SRRM3: variants seen among roughly 807,000 people sequenced by gnomAD.
SRRM3 encodes the protein serine/arginine repetitive matrix 3.
Under a neutral mutation model 66.2 loss-of-function variants are expected in SRRM3, and 27 were observed. The observed-to-expected ratio is 0.41, with a 90% CI of 0.30 to 0.56. SRRM3 has a LOEUF of 0.56. Among genes scored for constraint, SRRM3 ranks in the 20% least tolerant of loss-of-function variants. The pLI is 0.32. For missense variants in SRRM3, 918 were observed against 991.9 expected (o/e 0.93, Z 1.00); for synonymous variants, 391 against 414.9 (o/e 0.94, Z 0.70).
At chr7:76,227,704 T>C (rs1800910902) in intron 1 of SRRM3, among the ~76,000 whole-genome samples, 1 of 152,188 alleles carries the variant, frequency 6.6e-6, no homozygotes, top group Non-Finnish European at 1.5e-5. Context: ...GATGGGGTCA[T>C]GTTCATCTCT....
chr7:76,257,046 G>A (rs890114593), intron 3 of SRRM3, among the ~76,000 whole-genome samples: 1 of 152,112 alleles, frequency 6.6e-6, no homozygotes, highest in East Asian at 1.9e-4. Context: ...TTTTATCAGC[G>A]AGGTCTTTAT....
chr7:76,216,461 C>T (rs1800573915), intron 1 of SRRM3, among the ~76,000 whole-genome samples: 1 of 152,212 alleles, frequency 6.6e-6, no homozygotes, highest in African/African-American at 2.4e-5. Context: ...CTTATCTTGA[C>T]TTTTCCACTG....
intron 11 of SRRM3, among the ~76,000 whole-genome samples, chr7:76,279,249 A>T (rs554923279): frequency 3.7e-4 from 57 of 152,160 alleles, no homozygotes; most frequent in Admixed American, 2.5e-3. Flanking sequence ...ACAGAGTGAG[A>T]TGCCTTCTCA....
chr7:76,217,181 G>A lies in SRRM3; in HGVS notation c.-40+15114G>A, dbSNP rs116348164. On this transcript the variant is annotated intron_variant, in intron 1 of 14. Transcript: ENST00000611745. ...ATTCTTGTTAGTCTTGCACTTCCAGGGACTCAGAGCCCAGCTCCCCCTGTT... is the reference window on the plus strand; with the variant it reads ...ATTCTTGTTAGTCTTGCACTTCCAGAGACTCAGAGCCCAGCTCCCCCTGTT... 7.0e-3 allele frequency among the ~76,000 whole-genome samples: 1,073 copies of A among 152,284 alleles called. 19 individuals are homozygous for A. The highest frequency in any genetic ancestry group is 0.024 in the African/African-American group (1,000 of 41,550).
intron 11 of SRRM3, among the ~76,000 whole-genome samples, chr7:76,275,695 C>A (rs1487915876): frequency 6.6e-6 from 1 of 152,028 alleles, no homozygotes; most frequent in Non-Finnish European, 1.5e-5. Context: ...TTTACCTGTT[C>A]TTGTCCTTCA....
At chr7:76,236,490 G>T (rs1236842259) in intron 2 of SRRM3, among the ~76,000 whole-genome samples, 2 of 152,148 alleles carry the variant, frequency 1.3e-5, no homozygotes, top group Non-Finnish European at 2.9e-5. Context: ...GCCAGACACA[G>T]CCTGTGTCCT....
intron 1 of SRRM3, among the ~76,000 whole-genome samples, chr7:76,209,604 ATTTTT>A (rs11290590): frequency 7.3e-6 from 1 of 136,818 alleles, no homozygotes; most frequent in Non-Finnish European, 1.6e-5. Context: ...AAGAGTTGGA[ATTTTT>A]TTTTTTTTTT....
chr7:76,259,584 A>T (rs1554608219), intron 3 of SRRM3, among the ~76,000 whole-genome samples: 3 of 122,794 alleles, frequency 2.4e-5, no homozygotes, highest in African/African-American at 4.0e-5. Context: ...CTCCAAAATT[A>T]AAAAAAAAAA....
intron 2 of SRRM3, among the ~76,000 whole-genome samples, chr7:76,237,204 G>A (rs1310922167): frequency 2.0e-5 from 3 of 152,126 alleles, no homozygotes; most frequent in Non-Finnish European, 2.9e-5. Context: ...TCAGGAGATC[G>A]AGATCATCCT....
chr7:76,226,003 G>A (rs1364140851), intron 1 of SRRM3, among the ~76,000 whole-genome samples: 1 of 152,048 alleles, frequency 6.6e-6, no homozygotes, highest in Non-Finnish European at 1.5e-5. Flanking sequence ...ACTCATCTGT[G>A]GTCCACTTCT....
intron 1 of SRRM3, among the ~76,000 whole-genome samples, chr7:76,223,252 G>C (rs1439729231): frequency 6.6e-6 from 1 of 152,134 alleles, no homozygotes; most frequent in African/African-American, 2.4e-5. Context: ...GGTGTCTCTT[G>C]GTCCTCTGGT....
intron 3 of SRRM3, among the ~76,000 whole-genome samples, chr7:76,255,140 C>CTTTAT (rs1583913378): frequency 1.0e-5 from 1 of 97,148 alleles, no homozygotes. Flanking sequence ...TTCTTTCTTT[C>CTTTAT]TTTCTTTCTT....
chr7:76,264,225 AG>A (rs1183104287), intron 8 of SRRM3, among the ~76,000 whole-genome samples: 1 of 150,064 alleles, frequency 6.7e-6, no homozygotes, highest in Non-Finnish European at 1.5e-5. Flanking sequence ...TGGAGTGCAA[AG>A]GCGCGATCTC....
In SRRM3 at chr7:76,235,172, G is replaced by A; in HGVS notation, c.106G>A (p.Glu36Lys). 6.4e-7 allele frequency: 1 copy of A among 1,552,184 alleles called. No individual in the cohort carries two copies. The highest frequency in any genetic ancestry group is 2.3e-4 in the Middle Eastern group (1 of 4,412). The change falls in exon 2 of 15, where the codon GAA (glutamate) becomes AAA (lysine). Residue 36 changes from glutamate (E) to lysine (K), a missense_variant. By Grantham distance (56) the Glu-to-Lys change is moderately conservative. Coordinates refer to ENST00000611745, the MANE Select transcript of SRRM3 (RefSeq NM_001110199.3). ...CTCCTCGGGGACCTGGCCGCGGGCG[G>A]AAGAGGAGCTGCGCGCCGCGGAGCC... ...SSSSGTWPRA[E>K]EELRAAEPGL...
At chr7:76,255,900 T>A (rs1801700735) in intron 3 of SRRM3, among the ~76,000 whole-genome samples, 1 of 152,152 alleles carries the variant, frequency 6.6e-6, no homozygotes, top group African/African-American at 2.4e-5. Context: ...GGAAGAGATG[T>A]TGGTGTGTAA....
In SRRM3 at chr7:76,259,900, C is replaced by G; in HGVS notation, c.336-6C>G. 1 of 1,601,236 alleles carries G rather than the reference C, an allele frequency of 6.2e-7. No individual in the cohort carries two copies. The highest frequency in any genetic ancestry group is 8.5e-7 in the Non-Finnish European group (1 of 1,179,560). On this transcript the variant is annotated splice_region_variant and splice_polypyrimidine_tract_variant and intron_variant, in intron 3 of 14. Transcript: ENST00000611745. ...GACTGGTGGTGAGCGTCCCTGTCGCCGGCAGTGTGGCGGAGACCCCGCGGC... is the reference window on the plus strand; with the variant it reads ...GACTGGTGGTGAGCGTCCCTGTCGCGGGCAGTGTGGCGGAGACCCCGCGGC...
At chr7:76,216,000 G>A (rs1554602550) in intron 1 of SRRM3, among the ~76,000 whole-genome samples, 1 of 151,318 alleles carries the variant, frequency 6.6e-6, no homozygotes, top group East Asian at 1.9e-4. Flanking sequence ...GTAGAGACGG[G>A]GTTTCACCGT....
Position 76,285,775 on chromosome 7 carries a change from C to G in SRRM3, c.1894C>G (p.Arg632Gly). 6.4e-7 allele frequency: 1 copy of G among 1,550,800 alleles called. No individual in the cohort carries two copies. Among genetic ancestry groups the G allele is most frequent in the Non-Finnish European group, 8.7e-7 (1 of 1,147,106 alleles). ...SRSHGTRSRTRSPSRTPSPSY... is the reference protein window; with the variant it reads ...SRSHGTRSRTGSPSRTPSPSY... ...CAGCCATGGGACCCGCAGCCGGACACGCAGCCCCTCGAGGACCCCCAGTCC... is the reference window on the plus strand; with the variant it reads ...CAGCCATGGGACCCGCAGCCGGACAGGCAGCCCCTCGAGGACCCCCAGTCC... The change falls in exon 15 of 15, where the codon CGC becomes GGC. Residue 632 changes from arginine (R) to glycine (G), a missense_variant. Arg to Gly is a moderately radical substitution (Grantham distance 125). Transcript: ENST00000611745. The surrounding 1 kb of genome is among the most constrained non-coding windows in gnomAD (Gnocchi z 4.1).
chr7:76,255,024 C>T (rs1801673458), intron 3 of SRRM3, among the ~76,000 whole-genome samples: 1 of 152,070 alleles, frequency 6.6e-6, no homozygotes, highest in Non-Finnish European at 1.5e-5. Context: ...AAGGCATCAC[C>T]CAGCTTGGGA....
Sources: gnomAD v4.1 joint callset for allele counts (sites outside exome capture counted in the v4.1 genomes callset) on GRCh38, gnomAD v4.1.1 for gene constraint, Gnocchi (gnomAD v3.1) non-coding constraint, MANE v1.5 for transcripts, NCBI Gene and HGNC (gene_info 2026-07-23, HGNC 2026-07-21) for gene names.